Variants in SMARCAL1 observed in about 807,000 individuals in gnomAD.
SMARCAL1 encodes the protein SNF2 related chromatin remodeling annealing helicase 1, also known as ATP-driven annealing helicase.
A neutral mutation model predicts 94.5 loss-of-function variants in SMARCAL1; 58 were observed. That is an observed-to-expected ratio of 0.61 (90% CI 0.50 to 0.76). SMARCAL1 has a LOEUF of 0.76. Ranked by LOEUF, SMARCAL1 falls within the 30% of genes least tolerant of loss-of-function variation. SMARCAL1 has a pLI of 0.00. For missense variants in SMARCAL1, 1,051 were observed against 1,177.9 expected (o/e 0.89, Z 1.58); for synonymous variants, 422 against 455.1 (o/e 0.93, Z 0.93).
intron 9 of SMARCAL1, among the ~76,000 whole-genome samples, chr2:216,437,902 C>G (rs16856136): frequency 6.6e-6 from 1 of 152,206 alleles, no homozygotes; most frequent in African/African-American, 2.4e-5. Context: ...TTCTTTCCGT[C>G]TCTCAGTTTC....
At chr2:216,450,257 T>C (rs1694418137) in intron 11 of SMARCAL1, among the ~76,000 whole-genome samples, 1 of 152,202 alleles carries the variant, frequency 6.6e-6, no homozygotes, top group Non-Finnish European at 1.5e-5. Context: ...CCTAGGCCCT[T>C]AGCCAGACTG....
chr2:216,459,633 T>A (rs1694651935), intron 12 of SMARCAL1, among the ~76,000 whole-genome samples: 1 of 152,162 alleles, frequency 6.6e-6, no homozygotes, highest in African/African-American at 2.4e-5. Context: ...GCTAGCCATA[T>A]GTAGAAAGCT....
At position 216,450,260 on chromosome 2, in the gene SMARCAL1, C is replaced by A. The variant is rs1694418210; in HGVS notation, c.1852-586C>A. On this transcript the variant is annotated intron_variant, in intron 11 of 17. Transcript: ENST00000357276. Reference sequence around the variant, plus strand: ...TATGAAGGACTGCCTAGGCCCTTAGCCAGACTGCCAGAAGCCTATGTGGTG... The same window carrying A: ...TATGAAGGACTGCCTAGGCCCTTAGACAGACTGCCAGAAGCCTATGTGGTG... Among the ~76,000 whole-genome samples the A allele has an allele frequency of 2.6e-5, 4 of 152,190 alleles. 1 individual carries two copies. In the South Asian group the frequency reaches 8.3e-4, roughly 32 times the overall value.
chr2:216,457,235 T>TAATGG (rs1249588795), intron 12 of SMARCAL1, among the ~76,000 whole-genome samples: 2 of 152,098 alleles, frequency 1.3e-5, no homozygotes, highest in African/African-American at 4.8e-5. Flanking sequence ...CACACAATAA[T>TAATGG]AATGGGAGAC....
At chr2:216,470,838 C>CAAAAAAAAAAAAAAA in intron 14 of SMARCAL1, among the ~76,000 whole-genome samples, 1 of 48,070 alleles carries the variant, frequency 2.1e-5, no homozygotes, top group Non-Finnish European at 3.3e-5. Flanking sequence ...AAGAACATCT[C>CAAAAAAAAAAAAAAA]AAAAAAAAAA....
At position 216,416,283 on chromosome 2, in the gene SMARCAL1, A is replaced by G; in HGVS notation, c.838A>G (p.Ser280Gly). ...TCCTGACACCAAGACGTGGAACTTC[A>G]GCATGAATGACTATAGTGCCCTGAG... Reference protein sequence around the residue: ...YDPDTKTWNFSMNDYSALMKA... With the variant: ...YDPDTKTWNFGMNDYSALMKA... Residue 280 changes from serine to glycine, a missense_variant, in exon 4 of 18, where the codon AGC (serine) becomes GGC (glycine). Physicochemically the swap from Ser to Gly is moderately conservative, Grantham distance 56. Transcript: ENST00000357276. 1 of 1,613,744 alleles carries G rather than the reference A, an allele frequency of 6.2e-7. No homozygotes were observed. Among genetic ancestry groups the G allele is most frequent in the Non-Finnish European group, 8.5e-7 (1 of 1,179,718 alleles).
intron 10 of SMARCAL1, among the ~76,000 whole-genome samples, chr2:216,443,314 C>T (rs952035277): frequency 1.1e-4 from 16 of 145,040 alleles, no homozygotes; most frequent in African/African-American, 4.2e-4. Context: ...TTGCAGTGAG[C>T]CGAGATCATG....
chr2:216,450,365 G>A (rs1694421630), intron 11 of SMARCAL1, among the ~76,000 whole-genome samples: 2 of 152,224 alleles, frequency 1.3e-5, no homozygotes, highest in Admixed American at 6.5e-5. Context: ...TTGTGCTGGT[G>A]TAATCCATAC....
rs368683635 is a variant in SMARCAL1 at position 216,416,273 on chromosome 2, G to T, written c.828G>T (p.Thr276=). 12 of 1,613,710 alleles carry T rather than the reference G, an allele frequency of 7.4e-6. No individual in the cohort carries two copies. Among genetic ancestry groups the T allele is most frequent in the Middle Eastern group, 1.6e-4 (1 of 6,082 alleles). The change falls in exon 4 of 18, where the codon ACG becomes ACT. Residue 276 remains threonine, a synonymous_variant. Transcript: ENST00000357276. The stretch of plus-strand genomic sequence containing the variant: ...TTGTTTCAGATCCTGACACCAAGAC[G>T]TGGAACTTCAGCATGAATGACTATA... ...PSKNYDPDTK[T]WNFSMNDYSA...
Position 216,450,996 on chromosome 2 carries a change from C to T in SMARCAL1, c.2002C>T (p.Arg668Trp), listed in dbSNP as rs189863563. ...QRKIVVIAPG[R>W]INARTRAALD... is the part of the protein sequence containing the mutation. ...CAAGATAGTGGTGATTGCCCCAGGA[C>T]GGATCAATGCCAGGACCAGAGCTGC... The change falls in exon 12 of 18, where the codon CGG becomes TGG. Residue 668 changes from arginine to tryptophan, a missense_variant. This residue lies in a region of SMARCAL1 where 642 missense variants were observed against 754.7 expected (regional missense o/e 0.85). Coordinates refer to ENST00000357276, the MANE Select transcript of SMARCAL1 (RefSeq NM_014140.4). 3.7e-5 allele frequency: 60 copies of T among 1,614,064 alleles called. No homozygotes were observed. The highest frequency in any genetic ancestry group is 1.4e-4 in the South Asian group (13 of 91,090).
At chr2:216,435,283 A>T in intron 8 of SMARCAL1, 55 bp from the exon 9 acceptor site, 1 of 1,598,606 alleles carries the variant, frequency 6.3e-7, no homozygotes, top group Non-Finnish European at 8.6e-7. Flanking sequence ...TGTCACAACC[A>T]ACAGCTGCTG....
chr2:216,418,635 C>A (rs1438258737), intron 4 of SMARCAL1, among the ~76,000 whole-genome samples: 1 of 152,150 alleles, frequency 6.6e-6, no homozygotes, highest in Non-Finnish European at 1.5e-5. Flanking sequence ...CATATTTTGA[C>A]GTGTGAAGAA....
At chr2:216,447,216 AT>A in intron 11 of SMARCAL1, 58 bp downstream of exon 11, 7 of 1,549,462 alleles carry the variant, frequency 4.5e-6, no homozygotes, top group Non-Finnish European at 6.2e-6. Flanking sequence ...TTTGACACTT[AT>A]CTTTCTCTTC....
At chr2:216,455,350 T>C (rs1425460432) in intron 12 of SMARCAL1, among the ~76,000 whole-genome samples, 4 of 151,788 alleles carry the variant, frequency 2.6e-5, no homozygotes, top group African/African-American at 9.7e-5. Context: ...TTGAAGAGAG[T>C]AGTGGTTCTT....
At chr2:216,437,067 T>C (rs568845222) in intron 9 of SMARCAL1, among the ~76,000 whole-genome samples, 2 of 152,364 alleles carry the variant, frequency 1.3e-5, no homozygotes, top group African/African-American at 4.8e-5. Flanking sequence ...CCTCTTTCTT[T>C]CAGAGAAATG....
chr2:216,420,273 T>A (rs1693688297), intron 4 of SMARCAL1, 26 bp from the exon 5 acceptor site: 1 of 1,579,748 alleles, frequency 6.3e-7, no homozygotes, highest in South Asian at 1.1e-5. Flanking sequence ...CTTTATCACT[T>A]CTGTTCGATT....
intron 10 of SMARCAL1, among the ~76,000 whole-genome samples, chr2:216,438,912 C>T (rs12612749): frequency 0.035 from 5,343 of 152,186 alleles, 205 homozygotes; most frequent in East Asian, 0.16. Flanking sequence ...TCAGGGAAGA[C>T]GAGTTGTATT....
rs926164863 is a variant in SMARCAL1, at chr2:216,432,184, G to A, written c.1335-534G>A. On this transcript the variant is annotated intron_variant, in intron 7 of 17. Coordinates refer to ENST00000357276, the MANE Select transcript of SMARCAL1 (RefSeq NM_014140.4). ...CTACGGGCATGTGCCTGTAGAGATG[G>A]GGTTTCACCATGTTGGTCAGGCTGG... Among the ~76,000 whole-genome samples, 9 of 152,166 alleles carry A rather than the reference G, an allele frequency of 5.9e-5. 1 individual carries two copies. Among genetic ancestry groups the A allele is most frequent in the Admixed American group, 3.9e-4 (6 of 15,292 alleles).
At chr2:216,464,882 A>G (rs529339734) in intron 13 of SMARCAL1, among the ~76,000 whole-genome samples, 41 of 152,326 alleles carry the variant, frequency 2.7e-4, no homozygotes, top group Middle Eastern at 3.4e-3. Context: ...GCCAGGCTCA[A>G]TGCCTGTAAT....
Sources: gnomAD v4.1 joint callset for allele counts (sites outside exome capture counted in the v4.1 genomes callset) on GRCh38, gnomAD v4.1.1 for gene constraint, gnomAD v4.1.1 regional missense constraint, MANE v1.5 for transcripts, NCBI Gene and HGNC (gene_info 2026-07-23, HGNC 2026-07-21) for gene names.